The following RNGTT variants were observed in gnomAD, a reference collection of about 807,000 sequenced individuals.
The protein encoded by RNGTT is mRNA-capping enzyme.
In RNGTT, 33 loss-of-function variants were observed where a neutral mutation model predicts 79.3. That is an observed-to-expected ratio of 0.42 (90% CI 0.32 to 0.56). The LOEUF (loss-of-function observed/expected upper bound fraction) is 0.56, where lower values mean the gene tolerates loss of function less well. Among genes scored for constraint, RNGTT ranks in the 20% least tolerant of loss-of-function variants. The pLI is 0.17. For synonymous variants in RNGTT, 222 were observed against 235.9 expected, an observed-to-expected ratio of 0.94 and a Z score of 0.54; for missense variants, 497 against 739.1, an observed-to-expected ratio of 0.67 and a Z score of 3.80.
At chr6:88,885,194 T>C (rs1317691185) in intron 8 of RNGTT, among the ~76,000 whole-genome samples, 1 of 152,052 alleles carries the variant, frequency 6.6e-6, no homozygotes, top group Non-Finnish European at 1.5e-5. Flanking sequence ...ATCCCAGTAC[T>C]AATGAGCCCA....
chr6:88,824,245 T>C (rs1357266732), intron 11 of RNGTT, among the ~76,000 whole-genome samples: 1 of 152,210 alleles, frequency 6.6e-6, no homozygotes, highest in African/African-American at 2.4e-5. Context: ...AACTATACAC[T>C]AGGCTATACA....
chr6:88,814,184 TA>T (rs1211396990), intron 11 of RNGTT, among the ~76,000 whole-genome samples: 1 of 152,204 alleles, frequency 6.6e-6, no homozygotes, highest in Non-Finnish European at 1.5e-5. Context: ...AAAAAAAAGC[TA>T]AAGTCATCTC....
intron 14 of RNGTT, among the ~76,000 whole-genome samples, chr6:88,676,792 A>G (rs1374563214): frequency 1.3e-5 from 2 of 152,244 alleles, no homozygotes; most frequent in Non-Finnish European, 2.9e-5. Flanking sequence ...GAAGATATGA[A>G]CATCCATTTC....
At chr6:88,624,561 C>G (rs1282457464) in intron 14 of RNGTT, among the ~76,000 whole-genome samples, 1 of 151,842 alleles carries the variant, frequency 6.6e-6, no homozygotes, top group African/African-American at 2.4e-5. Flanking sequence ...ACATCATTCA[C>G]ATTACACAAA....
chr6:88,810,348 T>C (rs1401397653), intron 11 of RNGTT, among the ~76,000 whole-genome samples: 2 of 152,328 alleles, frequency 1.3e-5, no homozygotes, highest in Admixed American at 6.5e-5. Context: ...CAAAGCAGTA[T>C]GTCCAAATTT....
chr6:88,889,169 T>A (rs1782964221), intron 8 of RNGTT, among the ~76,000 whole-genome samples: 1 of 152,166 alleles, frequency 6.6e-6, no homozygotes, highest in African/African-American at 2.4e-5. Context: ...TTTTCTGAAT[T>A]TTGTCAAATG....
At chr6:88,829,397 A>G (rs916503119) in intron 11 of RNGTT, among the ~76,000 whole-genome samples, 3 of 152,160 alleles carry the variant, frequency 2.0e-5, no homozygotes, top group African/African-American at 7.2e-5. Context: ...GAAGGAAAAA[A>G]CCAGTATCAA....
intron 14 of RNGTT, among the ~76,000 whole-genome samples, chr6:88,656,808 G>A (rs1773996870): frequency 6.6e-6 from 1 of 151,762 alleles, no homozygotes; most frequent in Admixed American, 6.6e-5. Flanking sequence ...AGTTGAGGAA[G>A]GCCAGGCACA....
intron 14 of RNGTT, among the ~76,000 whole-genome samples, chr6:88,634,253 T>C (rs531036961): frequency 2.0e-5 from 3 of 152,272 alleles, no homozygotes; most frequent in African/African-American, 7.2e-5. Flanking sequence ...TTTTAAACAG[T>C]GGACCTAGGA....
chr6:88,839,940 CAAAG>C (rs1473172385), intron 11 of RNGTT, among the ~76,000 whole-genome samples: 4 of 152,014 alleles, frequency 2.6e-5, no homozygotes, highest in African/African-American at 4.8e-5. Context: ...TTAAACAAAA[CAAAG>C]AGTTATAGAG....
chr6:88,846,417 C>G (rs987453491), intron 10 of RNGTT, among the ~76,000 whole-genome samples: 1 of 152,176 alleles, frequency 6.6e-6, no homozygotes, highest in Non-Finnish European at 1.5e-5. Context: ...AATCCATTCT[C>G]ATTTTTTGCT....
chr6:88,708,816 A>G (rs1776228015), intron 13 of RNGTT, among the ~76,000 whole-genome samples: 1 of 152,002 alleles, frequency 6.6e-6, no homozygotes, highest in Non-Finnish European at 1.5e-5. Context: ...GGGTTTTTGA[A>G]TCTGAACTAT....
intron 14 of RNGTT, among the ~76,000 whole-genome samples, chr6:88,624,670 C>G (rs1582246669): frequency 6.6e-6 from 1 of 151,690 alleles, no homozygotes; most frequent in East Asian, 1.9e-4. Context: ...TAGGGTTAGG[C>G]AAAATTTCTT....
chr6:88,637,903 T>C (rs924525234), intron 14 of RNGTT, among the ~76,000 whole-genome samples: 2 of 152,158 alleles, frequency 1.3e-5, no homozygotes, highest in African/African-American at 4.8e-5. Context: ...AAGAAGTGCA[T>C]ATTGCCATTC....
intron 12 of RNGTT, among the ~76,000 whole-genome samples, chr6:88,786,568 G>A (rs1213530333): frequency 2.6e-5 from 4 of 152,136 alleles, no homozygotes; most frequent in Non-Finnish European, 5.9e-5. Flanking sequence ...CTGATAATGA[G>A]ATGGAAAATT....
At chr6:88,812,073 C>T (rs1417906837) in intron 11 of RNGTT, among the ~76,000 whole-genome samples, 1 of 152,118 alleles carries the variant, frequency 6.6e-6, no homozygotes, top group Non-Finnish European at 1.5e-5. Context: ...ACAAGTCATC[C>T]TTCTTGCTCA....
At chr6:88,616,963 C>T (rs1772249281) in intron 14 of RNGTT, among the ~76,000 whole-genome samples, 1 of 152,140 alleles carries the variant, frequency 6.6e-6, no homozygotes. Flanking sequence ...AAATCATTGC[C>T]TAATCCAATG....
intron 8 of RNGTT, among the ~76,000 whole-genome samples, chr6:88,861,994 A>G (rs1469754302): frequency 2.0e-5 from 3 of 152,314 alleles, no homozygotes; most frequent in Middle Eastern, 3.4e-3. Context: ...TTATACTATA[A>G]TTCCATAGAA....
At chr6:88,901,495 C>CATTTTTTTTTTT (rs1783458450) in intron 6 of RNGTT, among the ~76,000 whole-genome samples, 2 of 65,776 alleles carry the variant, frequency 3.0e-5, no homozygotes, top group African/African-American at 1.4e-4. Context: ...GCACCCTGAT[C>CATTTTTTTTTTT]TTTTTTTTTT....
Sources: gnomAD v4.1 joint callset for allele counts (sites outside exome capture counted in the v4.1 genomes callset) on GRCh38, gnomAD v4.1.1 for gene constraint, MANE v1.5 for transcripts, NCBI Gene and HGNC (gene_info 2026-07-23, HGNC 2026-07-21) for gene names.